PTPN1: variants seen among roughly 807,000 people sequenced by gnomAD.
The protein encoded by PTPN1 is tyrosine-protein phosphatase non-receptor type 1.
PTPN1 carries 12 observed loss-of-function variants against 59.9 expected under a neutral mutation model. The observed-to-expected ratio is 0.20, with a 90% CI of 0.13 to 0.32. The LOEUF (loss-of-function observed/expected upper bound fraction) is 0.32, where lower values mean the gene tolerates loss of function less well. PTPN1 is among the 10% of genes least tolerant of loss of function. The pLI is 1.00. For synonymous variants in PTPN1, 178 were observed against 203.6 expected, an observed-to-expected ratio of 0.87 and a Z score of 1.07; for missense variants, 356 against 549.2, an observed-to-expected ratio of 0.65 and a Z score of 3.52.
intron 8 of PTPN1, among the ~76,000 whole-genome samples, chr20:50,580,304 G>C (rs1351178779): frequency 6.6e-6 from 1 of 152,174 alleles, no homozygotes; most frequent in Non-Finnish European, 1.5e-5. Flanking sequence ...TCCCCACAGT[G>C]GTCCTTTGGG....
chr20:50,564,976 T>C lies in PTPN1; in HGVS notation c.162T>C (p.His54=), dbSNP rs757225720. The change falls in exon 3 of 10, where the codon CAT becomes CAC. Residue 54 remains histidine, a synonymous_variant. Coordinates refer to ENST00000371621, the MANE Select transcript of PTPN1 (RefSeq NM_002827.4). ...NRYRDVSPFD[H]SRIKLHQEDN... ...TTCTGGTTTGTCTTTCAGTTGACCA[T>C]AGTCGGATTAAACTACATCAAGAAG... The C allele has an allele frequency of 6.2e-7, 1 of 1,613,080 alleles. No homozygotes were observed. Among genetic ancestry groups the C allele is most frequent in the Non-Finnish European group, 8.5e-7 (1 of 1,179,792 alleles).
intron 1 of PTPN1, 96 bp downstream of exon 1, chr20:50,510,686 C>G (rs1280269450): frequency 1.6e-6 from 2 of 1,253,110 alleles, no homozygotes; most frequent in Non-Finnish European, 1.1e-6. Flanking sequence ...GGGTCTTGCC[C>G]TCTGCCTCGC....
rs1339585305 is a variant in PTPN1 at position 50,568,501 on chromosome 20, G to A, written c.354+23G>A. On this transcript the variant is annotated intron_variant, in intron 4 of 9. Transcript: ENST00000371621. The surrounding 1 kb of genome is among the most constrained non-coding windows in gnomAD (Gnocchi z 5.6). ...TCGGTAAGTCTCGGCTTCATTTGCT[G>A]TGTATGTGATCATGCATACCACTCC... is the stretch of plus-strand genomic sequence containing the variant. 8.2e-6 allele frequency: 13 copies of A among 1,582,028 alleles called. No homozygotes were observed. The Middle Eastern group carries it at 1.2e-3, about 142-fold the overall frequency.
chr20:50,576,590 C>T (rs911919250), intron 5 of PTPN1, among the ~76,000 whole-genome samples: 4 of 151,996 alleles, frequency 2.6e-5, no homozygotes, highest in African/African-American at 4.8e-5. Context: ...TTTTAACGGC[C>T]GGGCACGGTG....
intron 8 of PTPN1, 40 bp downstream of exon 8, chr20:50,579,966 A>G: frequency 6.4e-7 from 1 of 1,572,106 alleles, no homozygotes; most frequent in Non-Finnish European, 8.7e-7. Context: ...GTGAGGGGAA[A>G]TGACTTTCTG....
intron 1 of PTPN1, among the ~76,000 whole-genome samples, chr20:50,515,173 C>A (rs1344387838): frequency 6.6e-6 from 1 of 152,234 alleles, no homozygotes; most frequent in Non-Finnish European, 1.5e-5. Context: ...TCCTCTTTAG[C>A]ATGGCAGCCA....
rs1218282195 is a variant in PTPN1 at position 50,585,009 on chromosome 20, T to A, written c.*2294T>A. ...CCCATTTCCTTCCCAAATTGACGCT[T>A]TGCCTGTGTAGGGCCCTCAGATAAC... On this transcript the variant is annotated 3_prime_UTR_variant, in exon 10 of 10. Coordinates refer to ENST00000371621, the MANE Select transcript of PTPN1 (RefSeq NM_002827.4). 1 of 152,222 alleles carries A rather than the reference T, an allele frequency of 6.6e-6. No individual in the cohort carries two copies. Among genetic ancestry groups the A allele is most frequent in the Non-Finnish European group, 1.5e-5 (1 of 68,040 alleles). The allele number at this position is 152,222 out of a possible 1,614,324, so 9.4% of individuals were successfully genotyped here.
At chr20:50,565,272 G>A (rs775950323) in intron 3 of PTPN1, among the ~76,000 whole-genome samples, 1 of 152,228 alleles carries the variant, frequency 6.6e-6, no homozygotes. Context: ...GGAAGCATAA[G>A]ATGACATTGC....
chr20:50,569,552 CCTGTGTAGATTGT>C (rs1270091894), intron 4 of PTPN1, among the ~76,000 whole-genome samples: 4 of 151,980 alleles, frequency 2.6e-5, no homozygotes, highest in Admixed American at 1.3e-4. Context: ...TGTAGACTGT[CCTGTGTAGATTGT>C]CTGTGTAGAC....
rs2122711571 is a variant in PTPN1, at chr20:50,510,487, A to C, written c.-41A>C. The C allele has an allele frequency of 6.5e-7, 1 of 1,546,288 alleles. No individual in the cohort carries two copies. The highest frequency in any genetic ancestry group is 2.5e-5 in the East Asian group (1 of 40,326). On this transcript the variant is annotated 5_prime_UTR_variant, in exon 1 of 10. Coordinates refer to ENST00000371621, the MANE Select transcript of PTPN1 (RefSeq NM_002827.4). ...CGCGGCCTAGAGCGGCAGACGGCGC[A>C]GTGGGCCGAGAAGGAGGCGCAGCAG...
At chr20:50,526,864 CTT>C (rs1166639804) in intron 1 of PTPN1, among the ~76,000 whole-genome samples, 1 of 152,106 alleles carries the variant, frequency 6.6e-6, no homozygotes, top group Non-Finnish European at 1.5e-5. Flanking sequence ...CTTCCCCTGT[CTT>C]TGTCTTCCTG....
In PTPN1 at chr20:50,581,336, C is replaced by G; in HGVS notation, c.1160C>G (p.Pro387Arg). 1 of 1,614,032 alleles carries G rather than the reference C, an allele frequency of 6.2e-7. No homozygotes were observed. Among genetic ancestry groups the G allele is most frequent in the Non-Finnish European group, 8.5e-7 (1 of 1,179,888 alleles). ...CTTCGAGGTGCCCAGGCTGCCTCCC[C>G]AGCCAAAGGGGAGCCGTCACTGCCC... The part of the protein sequence containing the change: ...GSLRGAQAAS[P>R]AKGEPSLPEK... Residue 387 changes from proline to arginine, a missense_variant, in exon 9 of 10, where the codon CCA becomes CGA. Physicochemically the swap from Pro to Arg is moderately radical, Grantham distance 103. This residue lies in a region of PTPN1 where 62 missense variants were observed against 97.2 expected (regional missense o/e 0.64). Coordinates refer to ENST00000371621, the MANE Select transcript of PTPN1 (RefSeq NM_002827.4).
At chr20:50,511,018 C>T (rs1227580963) in intron 1 of PTPN1, among the ~76,000 whole-genome samples, 1 of 152,138 alleles carries the variant, frequency 6.6e-6, no homozygotes. Context: ...GGTTACTCCC[C>T]CCGTCCCTCC....
At chr20:50,533,999 C>T (rs774553094) in intron 1 of PTPN1, among the ~76,000 whole-genome samples, 1 of 152,140 alleles carries the variant, frequency 6.6e-6, no homozygotes, top group African/African-American at 2.4e-5. Context: ...GGCGCGATCT[C>T]GGCTCACTGC....
intron 1 of PTPN1, among the ~76,000 whole-genome samples, chr20:50,523,048 C>T (rs1243943794): frequency 6.6e-6 from 1 of 151,876 alleles, no homozygotes; most frequent in Non-Finnish European, 1.5e-5. Flanking sequence ...TTACAGGCAT[C>T]AGCCACTGCC....
intron 4 of PTPN1, chr20:50,571,766 C>G (rs1339495017): frequency 6.6e-6 from 1 of 152,198 alleles, no homozygotes; most frequent in African/African-American, 2.4e-5. Flanking sequence ...CTTTAGACAC[C>G]TCAGTGTAGG....
intron 1 of PTPN1, among the ~76,000 whole-genome samples, chr20:50,520,271 T>C (rs532216315): frequency 6.6e-6 from 1 of 151,180 alleles, no homozygotes; most frequent in Admixed American, 6.6e-5. Flanking sequence ...CTCAGGAGGC[T>C]GAGGCAGGAG....
chr20:50,525,613 T>G (rs760151121), intron 1 of PTPN1, among the ~76,000 whole-genome samples: 2 of 33,094 alleles, frequency 6.0e-5, no homozygotes, highest in Non-Finnish European at 1.2e-4. Context: ...CTGGATTTGA[T>G]TTTTTTTTTT....
At chr20:50,556,624 A>C (rs902887210) in intron 1 of PTPN1, among the ~76,000 whole-genome samples, 1 of 152,226 alleles carries the variant, frequency 6.6e-6, no homozygotes, top group East Asian at 1.9e-4. Context: ...CACATGACTC[A>C]AGGAGTCAAA....
Sources: gnomAD v4.1 joint callset for allele counts (sites outside exome capture counted in the v4.1 genomes callset) on GRCh38, gnomAD v4.1.1 for gene constraint, gnomAD v4.1.1 regional missense constraint, Gnocchi (gnomAD v3.1) non-coding constraint, MANE v1.5 for transcripts, NCBI Gene and HGNC (gene_info 2026-07-23, HGNC 2026-07-21) for gene names.